MEGF10: variants seen among roughly 807,000 people sequenced by gnomAD.
MEGF10 encodes multiple EGF like domains 10.
Under a neutral mutation model 147.5 loss-of-function variants are expected in MEGF10, and 86 were observed. The observed-to-expected ratio is 0.58, with a 90% CI of 0.49 to 0.70. The LOEUF is 0.70. Ranked by LOEUF, MEGF10 falls within the 30% of genes least tolerant of loss-of-function variation. The pLI, the probability that MEGF10 is intolerant of heterozygous loss-of-function variation, is 0.00. For synonymous variants in MEGF10, 478 were observed against 525.5 expected, an observed-to-expected ratio of 0.91 and a Z score of 1.24; for missense variants, 1,329 against 1,487.3, an observed-to-expected ratio of 0.89 and a Z score of 1.75.
chr5:127,404,586 G>A (rs1229716052), intron 8 of MEGF10, among the ~76,000 whole-genome samples: 2 of 152,086 alleles, frequency 1.3e-5, no homozygotes, highest in African/African-American at 4.8e-5. Context: ...AATCTGTCAT[G>A]TCCTGGAAGA....
At chr5:127,422,538 A>C (rs1371359210) in intron 12 of MEGF10, 132 bp from the exon 13 acceptor site, 1 of 646,652 alleles carries the variant, frequency 1.5e-6, no homozygotes, top group Non-Finnish European at 2.7e-6. Flanking sequence ...AAATAAATAA[A>C]GATACATCCC....
chr5:127,347,191 G>A (rs1177695957), intron 4 of MEGF10, among the ~76,000 whole-genome samples: 1 of 151,962 alleles, frequency 6.6e-6, no homozygotes, highest in Non-Finnish European at 1.5e-5. Context: ...ATGTCCAGAG[G>A]AATGAAATAG....
chr5:127,308,022 G>C (rs1247766277), intron 1 of MEGF10, among the ~76,000 whole-genome samples: 1 of 152,186 alleles, frequency 6.6e-6, no homozygotes, highest in African/African-American at 2.4e-5. Flanking sequence ...TTGTACAGCT[G>C]TGGCCTGCTT....
chr5:127,413,543 TG>T (rs1262947395), intron 9 of MEGF10, among the ~76,000 whole-genome samples: 4 of 152,242 alleles, frequency 2.6e-5, no homozygotes, highest in Non-Finnish European at 1.5e-5. Flanking sequence ...AACAGTTTCC[TG>T]GAATATATGT....
At chr5:127,368,833 A>C (rs1762747147) in intron 4 of MEGF10, among the ~76,000 whole-genome samples, 1 of 152,196 alleles carries the variant, frequency 6.6e-6, no homozygotes, top group Non-Finnish European at 1.5e-5. Flanking sequence ...TGACATGGAA[A>C]TATTACTGCC....
Position 127,449,242 on chromosome 5 carries a change from G to T in MEGF10, c.2980+20G>T. 6.2e-7 allele frequency: 1 copy of T among 1,612,370 alleles called. No individual in the cohort carries two copies. Among genetic ancestry groups the T allele is most frequent in the Non-Finnish European group, 8.5e-7 (1 of 1,179,518 alleles). Reference sequence around the variant, plus strand: ...AGCTCGGTGAGTTCTCCCAACGCACGTCCCCAGAAGCACCTTGACCTGTCA... The same window carrying T: ...AGCTCGGTGAGTTCTCCCAACGCACTTCCCCAGAAGCACCTTGACCTGTCA... On this transcript the variant is annotated intron_variant, in intron 22 of 24. Transcript: ENST00000503335.
rs35591368 is a variant in MEGF10 at position 127,438,533 on chromosome 5, C to T, written c.2199C>T (p.Cys733=). The T allele has an allele frequency of 0.031, 49,641 of 1,614,016 alleles. 854 individuals carry two copies. The highest frequency in any genetic ancestry group is 0.038 in the East Asian group (1,711 of 44,876). Residue 733 remains cysteine, a synonymous_variant, in exon 17 of 25, where the codon TGC becomes TGT. Coordinates refer to ENST00000503335, the MANE Select transcript of MEGF10 (RefSeq NM_001256545.2). ...FCSAYDGECK[C]TPGWTGLYCT... Reference sequence around the variant, plus strand: ...GCGCCTACGATGGGGAATGTAAATGCACTCCTGGCTGGACAGGGCTCTACT... The same window carrying T: ...GCGCCTACGATGGGGAATGTAAATGTACTCCTGGCTGGACAGGGCTCTACT...
At chr5:127,307,972 A>AGTCTCGCTGTCCCCTCATGGAGCAGT (rs1292823387) in intron 1 of MEGF10, among the ~76,000 whole-genome samples, 4 of 152,166 alleles carry the variant, frequency 2.6e-5, no homozygotes, top group Non-Finnish European at 5.9e-5. Flanking sequence ...GGAAAACAGA[A>AGTCTCGCTGTCCCCTCATGGAGCAGT]GTCTCGCTGT....
intron 1 of MEGF10, among the ~76,000 whole-genome samples, chr5:127,295,644 A>AT (rs1491475580): frequency 2.6e-5 from 4 of 152,194 alleles, no homozygotes; most frequent in Admixed American, 2.0e-4. Context: ...AATAAACAAC[A>AT]TAAAAAGTTC....
chr5:127,395,536 CTTTTTTTTTTTTT>C (rs35926205), intron 5 of MEGF10, among the ~76,000 whole-genome samples: 10 of 65,574 alleles, frequency 1.5e-4, no homozygotes, highest in East Asian at 4.0e-4. Context: ...TGACTGATAT[CTTTTTTTTTTTTT>C]TTTTTTTTTT....
intron 1 of MEGF10, among the ~76,000 whole-genome samples, chr5:127,303,404 A>G (rs1302293228): frequency 6.6e-6 from 1 of 152,150 alleles, no homozygotes; most frequent in African/African-American, 2.4e-5. Context: ...AAGTCCTGGA[A>G]ACCCGGCTGC....
chr5:127,337,585 C>T, intron 2 of MEGF10, among the ~76,000 whole-genome samples: 1 of 151,938 alleles, frequency 6.6e-6, no homozygotes, highest in East Asian at 1.9e-4. Flanking sequence ...CTTGCTTTAC[C>T]CAAAAGGGTT....
chr5:127,281,016 C>A, the MEGF10 span, among the ~76,000 whole-genome samples: 1 of 152,202 alleles, frequency 6.6e-6, no homozygotes, highest in Non-Finnish European at 1.5e-5. Flanking sequence ...TCAGGGAAGT[C>A]AGCAACCTCC....
intron 13 of MEGF10, among the ~76,000 whole-genome samples, chr5:127,429,621 G>A (rs1406310428): frequency 6.6e-6 from 1 of 152,214 alleles, no homozygotes; most frequent in African/African-American, 2.4e-5. Flanking sequence ...TGGAGAATTG[G>A]AGGGGAGTCT....
intron 1 of MEGF10, among the ~76,000 whole-genome samples, chr5:127,313,211 G>A (rs2254278): frequency 7.2e-5 from 11 of 152,132 alleles, no homozygotes; most frequent in African/African-American, 1.4e-4. Context: ...ATGGGATCGT[G>A]TAGATTTGGA....
intron 5 of MEGF10, among the ~76,000 whole-genome samples, chr5:127,391,138 ACACACACACACACACATACAT>A (rs1763671544): frequency 2.7e-5 from 3 of 110,334 alleles, no homozygotes; most frequent in Non-Finnish European, 4.3e-5. Flanking sequence ...ACACACACAC[ACACACACACACACACATACAT>A]GCTTATTTCT....
intron 24 of MEGF10, among the ~76,000 whole-genome samples, chr5:127,455,930 G>A (rs1766347637): frequency 6.6e-6 from 1 of 151,924 alleles, no homozygotes; most frequent in African/African-American, 2.4e-5. Flanking sequence ...GGGTAGAGAC[G>A]GGGTTTTGTC....
At chr5:127,233,707 T>G in the MEGF10 span, among the ~76,000 whole-genome samples, 1 of 152,314 alleles carries the variant, frequency 6.6e-6, no homozygotes, top group South Asian at 2.1e-4. Flanking sequence ...GAAAGCACAG[T>G]AGAGGATGCT....
chr5:127,348,121 T>C (rs1000033244), intron 4 of MEGF10, among the ~76,000 whole-genome samples: 10 of 152,070 alleles, frequency 6.6e-5, no homozygotes, highest in African/African-American at 2.2e-4. Flanking sequence ...TCATGAGGTT[T>C]AAAGTAATTC....
Sources: gnomAD v4.1 joint callset for allele counts (sites outside exome capture counted in the v4.1 genomes callset) on GRCh38, gnomAD v4.1.1 for gene constraint, MANE v1.5 for transcripts, NCBI Gene and HGNC (gene_info 2026-07-23, HGNC 2026-07-21) for gene names.